The following CDH12 variants were observed in gnomAD, a reference collection of about 807,000 sequenced individuals.
CDH12 encodes cadherin-12.
In CDH12, 41 loss-of-function variants were observed where a neutral mutation model predicts 74.1. The ratio of observed to expected loss-of-function variants is 0.55; its 90% confidence interval spans 0.43 to 0.72. The LOEUF is 0.72. Among genes scored for constraint, CDH12 ranks in the 30% least tolerant of loss-of-function variants. CDH12 has a pLI of 0.00. For missense variants in CDH12, 945 were observed against 977.2 expected (o/e 0.97, Z 0.44); for synonymous variants, 399 against 355.0 (o/e 1.12, Z -1.39).
At chr5:22,752,562 T>C (rs1745639206) in intron 1 of CDH12, among the ~76,000 whole-genome samples, 1 of 21,596 alleles carries the variant, frequency 4.6e-5, no homozygotes, top group Non-Finnish European at 1.1e-4. Flanking sequence ...TTTTTTTTTT[T>C]TTTTTTTTTT....
At chr5:22,287,781 A>G (rs1195022711) in intron 3 of CDH12, among the ~76,000 whole-genome samples, 2 of 151,836 alleles carry the variant, frequency 1.3e-5, no homozygotes, top group African/African-American at 4.8e-5. Flanking sequence ...AATAAAATAT[A>G]TAATATAAAA....
intron 6 of CDH12, among the ~76,000 whole-genome samples, chr5:21,856,023 C>T (rs953243212): frequency 3.3e-5 from 5 of 151,644 alleles, no homozygotes; most frequent in African/African-American, 1.2e-4. Flanking sequence ...TATATTACAG[C>T]AGCCTTTCCC....
At chr5:21,914,327 A>G (rs1753994011) in intron 6 of CDH12, among the ~76,000 whole-genome samples, 1 of 152,206 alleles carries the variant, frequency 6.6e-6, no homozygotes, top group Non-Finnish European at 1.5e-5. Flanking sequence ...GAGTGACAAA[A>G]TTTAGGCAGG....
At chr5:22,640,035 G>C (rs761476769) in intron 1 of CDH12, among the ~76,000 whole-genome samples, 19 of 151,994 alleles carry the variant, frequency 1.3e-4, no homozygotes, top group Non-Finnish European at 2.5e-4. Context: ...GCAGGGAGAG[G>C]AGCAGAGAGA....
rs553641176 is a variant in CDH12, at chr5:22,691,813, C to T, written c.-523+161245G>A. Among the ~76,000 whole-genome samples, 3 of 152,120 alleles carry T rather than the reference C, an allele frequency of 2.0e-5. No individual in the cohort carries two copies. The South Asian group carries it at 6.2e-4, about 32-fold the overall frequency. On this transcript the variant is annotated intron_variant, in intron 1 of 14. Transcript: ENST00000382254. ...TTAAAATCTAGCAGAGTTTCTTACA[C>T]ACTGTAAATGTTCATTAAATATTAG...
At chr5:22,181,587 G>A (rs891608988) in intron 4 of CDH12, among the ~76,000 whole-genome samples, 3 of 151,356 alleles carry the variant, frequency 2.0e-5, no homozygotes, top group South Asian at 4.2e-4. Flanking sequence ...TTTTTATTTC[G>A]AGATTCTTTT....
At chr5:21,780,220 G>A (rs1283551248) in intron 11 of CDH12, among the ~76,000 whole-genome samples, 1 of 152,204 alleles carries the variant, frequency 6.6e-6, no homozygotes, top group African/African-American at 2.4e-5. Context: ...AGCTGGTAGT[G>A]TGACAGAGCC....
chr5:22,333,471 T>G (rs1029826893), intron 3 of CDH12, among the ~76,000 whole-genome samples: 45 of 151,936 alleles, frequency 3.0e-4, no homozygotes, highest in Non-Finnish European at 7.4e-5. Context: ...ATCCTGGAAC[T>G]TAAAGTAAAA....
chr5:22,729,330 G>A (rs1053786373), intron 1 of CDH12, among the ~76,000 whole-genome samples: 15 of 151,754 alleles, frequency 9.9e-5, no homozygotes, highest in Non-Finnish European at 2.9e-5. Flanking sequence ...GCCATCCAGG[G>A]CATGATGAAT....
intron 6 of CDH12, among the ~76,000 whole-genome samples, chr5:21,881,739 C>T (rs887095781): frequency 6.6e-6 from 1 of 152,046 alleles, no homozygotes; most frequent in Non-Finnish European, 1.5e-5. Context: ...AATGGATCTG[C>T]ATATATAATT....
At position 21,984,389 on chromosome 5, in the gene CDH12, A is replaced by G. The variant is rs571752858; in HGVS notation, c.232-9004T>C. ...AGCATATGGGAGAAATTCTGTATAT[A>G]GAATATTAGTTCATCTCTGTGTTTT... is the stretch of plus-strand genomic sequence containing the variant. On this transcript the variant is annotated intron_variant, in intron 5 of 14. Coordinates refer to ENST00000382254, the MANE Select transcript of CDH12 (RefSeq NM_004061.5). 4.6e-5 allele frequency among the ~76,000 whole-genome samples: 7 copies of G among 152,296 alleles called. No homozygotes were observed. In the South Asian group the frequency reaches 1.4e-3, roughly 32 times the overall value.
intron 1 of CDH12, among the ~76,000 whole-genome samples, chr5:22,724,263 G>GA (rs1744050321): frequency 6.6e-6 from 1 of 150,570 alleles, no homozygotes; most frequent in Non-Finnish European, 1.5e-5. Context: ...TTGTTTTTGG[G>GA]GTACAGGTGA....
At chr5:21,797,029 A>G (rs975726534) in intron 10 of CDH12, among the ~76,000 whole-genome samples, 1 of 152,150 alleles carries the variant, frequency 6.6e-6, no homozygotes, top group African/African-American at 2.4e-5. Flanking sequence ...GAAGGCTAGA[A>G]AAGTGAAGAA....
rs967243195 is a variant in CDH12, at chr5:21,792,703, G to C, written c.1257-9209C>G. Among the ~76,000 whole-genome samples, 5 of 145,378 alleles carry C rather than the reference G, an allele frequency of 3.4e-5. No individual in the cohort carries two copies. The Admixed American group carries it at 3.6e-4, about 10-fold the overall frequency. On this transcript the variant is annotated intron_variant, in intron 10 of 14. Transcript: ENST00000382254. ...TCCTCTGCCATTCTGTTGGTTATCT[G>C]ACCACTGTATTTTGTCTTTAACTCA...
intron 13 of CDH12, among the ~76,000 whole-genome samples, chr5:21,760,074 T>C (rs1326098258): frequency 6.6e-6 from 1 of 152,160 alleles, no homozygotes; most frequent in East Asian, 1.9e-4. Context: ...CCACATTTTC[T>C]TCATCCAGTC....
intron 2 of CDH12, among the ~76,000 whole-genome samples, chr5:22,455,966 G>A (rs1202378533): frequency 1.3e-5 from 2 of 152,086 alleles, no homozygotes; most frequent in Non-Finnish European, 2.9e-5. Flanking sequence ...CTGAGGAAAA[G>A]CAAAATCAGA....
chr5:22,540,189 A>T (rs1561478712), intron 1 of CDH12, among the ~76,000 whole-genome samples: 1 of 152,138 alleles, frequency 6.6e-6, no homozygotes, highest in Non-Finnish European at 1.5e-5. Context: ...GGATAAATAT[A>T]TTCATATATG....
intron 13 of CDH12, among the ~76,000 whole-genome samples, chr5:21,758,147 TAGAC>T (rs1744506439): frequency 6.6e-6 from 1 of 152,200 alleles, no homozygotes; most frequent in African/African-American, 2.4e-5. Context: ...CAGTTTGTCT[TAGAC>T]AGACCTATTT....
At chr5:22,681,516 C>T (rs995042299) in intron 1 of CDH12, among the ~76,000 whole-genome samples, 3 of 151,918 alleles carry the variant, frequency 2.0e-5, no homozygotes, top group South Asian at 2.1e-4. Flanking sequence ...TCTGTCACAT[C>T]GCTTCACTTG....
Sources: allele counts gnomAD v4.1 joint callset (sites outside exome capture counted in the v4.1 genomes callset), GRCh38; gene constraint gnomAD v4.1.1; transcripts MANE v1.5; gene names NCBI Gene and HGNC (gene_info 2026-07-23, HGNC 2026-07-21).